The following HOOK3 variants were observed in gnomAD, a reference collection of about 807,000 sequenced individuals.
The protein encoded by HOOK3 is hook microtubule tethering protein 3.
Under a neutral mutation model 116.3 loss-of-function variants are expected in HOOK3, and 24 were observed. That is an observed-to-expected ratio of 0.21 (90% CI 0.15 to 0.29). The LOEUF (loss-of-function observed/expected upper bound fraction) is 0.29. HOOK3 is among the 10% of genes least tolerant of loss of function. The pLI, the probability that HOOK3 is intolerant of heterozygous loss-of-function variation, is 1.00. For missense variants in HOOK3, 632 were observed against 830.2 expected (o/e 0.76, Z 2.93); for synonymous variants, 275 against 283.0 (o/e 0.97, Z 0.28).
intron 4 of HOOK3, among the ~76,000 whole-genome samples, chr8:42,931,039 A>C (rs1178128300): frequency 6.6e-6 from 1 of 152,174 alleles, no homozygotes; most frequent in Non-Finnish European, 1.5e-5. Flanking sequence ...TGCATTGAGA[A>C]TCATATCCAC....
intron 1 of HOOK3, among the ~76,000 whole-genome samples, chr8:42,904,860 C>A (rs1166347148): frequency 6.6e-6 from 1 of 152,162 alleles, no homozygotes; most frequent in African/African-American, 2.4e-5. Flanking sequence ...CACTTCTCAT[C>A]TTTATGCCTG....
intron 3 of HOOK3, among the ~76,000 whole-genome samples, chr8:42,928,709 T>TA (rs1430533628): frequency 6.6e-6 from 1 of 152,156 alleles, no homozygotes; most frequent in Non-Finnish European, 1.5e-5. Flanking sequence ...TTCTCTATAT[T>TA]TTATGCTTTA....
chr8:42,922,087 T>C (rs969751684), intron 2 of HOOK3, among the ~76,000 whole-genome samples: 2 of 152,208 alleles, frequency 1.3e-5, no homozygotes, highest in African/African-American at 4.8e-5. Context: ...CTCCCTTTCT[T>C]ACACCATGCA....
At chr8:43,005,449 C>T (rs1042338481) in intron 17 of HOOK3, among the ~76,000 whole-genome samples, 15 of 151,596 alleles carry the variant, frequency 9.9e-5, no homozygotes, top group Non-Finnish European at 2.2e-4. Flanking sequence ...GGCTTGATCT[C>T]CTGACCTCGT....
chr8:42,909,739 A>G (rs1327193104), intron 2 of HOOK3, among the ~76,000 whole-genome samples: 1 of 152,206 alleles, frequency 6.6e-6, no homozygotes, highest in Non-Finnish European at 1.5e-5. Context: ...TGCTGAGATT[A>G]AAGGCGTAAA....
chr8:42,987,298 T>A (rs1809065806), intron 15 of HOOK3, among the ~76,000 whole-genome samples: 2 of 152,202 alleles, frequency 1.3e-5, no homozygotes, highest in South Asian at 2.1e-4. Context: ...CCAAAAAACA[T>A]TGGGCCTTTT....
intron 1 of HOOK3, among the ~76,000 whole-genome samples, chr8:42,905,336 G>T (rs796126509): frequency 7.5e-4 from 97 of 129,516 alleles, no homozygotes; most frequent in Non-Finnish European, 9.6e-4. Context: ...GGGGGGGGGG[G>T]TGCCGTGGTG....
chr8:42,970,658 A>G (rs1808709612), intron 11 of HOOK3, among the ~76,000 whole-genome samples: 1 of 152,088 alleles, frequency 6.6e-6, no homozygotes, highest in Admixed American at 6.6e-5. Context: ...GCTAATTTAT[A>G]TGAATGAAAT....
At chr8:42,938,698 TTTTATTTATTTA>T (rs57325956) in intron 4 of HOOK3, among the ~76,000 whole-genome samples, 44 of 149,818 alleles carry the variant, frequency 2.9e-4, no homozygotes, top group East Asian at 1.4e-3. Flanking sequence ...AATGCTTTTC[TTTTATTTATTTA>T]TTTATTTATT....
At chr8:42,977,511 G>A (rs2130439144) in intron 13 of HOOK3, among the ~76,000 whole-genome samples, 1 of 152,274 alleles carries the variant, frequency 6.6e-6, no homozygotes, top group East Asian at 1.9e-4. Flanking sequence ...AAAAAAAGAT[G>A]TATGGAGATA....
intron 1 of HOOK3, among the ~76,000 whole-genome samples, chr8:42,904,496 A>G (rs1000181190): frequency 3.3e-5 from 5 of 151,736 alleles, no homozygotes; most frequent in African/African-American, 1.2e-4. Context: ...TTTTTAGTGA[A>G]GAGACAGGAT....
chr8:43,006,298 G>T (rs1032140775), intron 17 of HOOK3, among the ~76,000 whole-genome samples: 5 of 140,306 alleles, frequency 3.6e-5, no homozygotes, highest in Non-Finnish European at 1.6e-5. Flanking sequence ...GGGATTACAG[G>T]TGTTAGCCAC....
At chr8:42,993,811 T>C (rs1345712286) in intron 15 of HOOK3, among the ~76,000 whole-genome samples, 2 of 152,182 alleles carry the variant, frequency 1.3e-5, no homozygotes, top group African/African-American at 2.4e-5. Context: ...TAATAACCAG[T>C]AATCCTTTGA....
At chr8:42,940,289 G>C (rs554379493) in intron 4 of HOOK3, among the ~76,000 whole-genome samples, 3 of 152,350 alleles carry the variant, frequency 2.0e-5, no homozygotes, top group Admixed American at 6.5e-5. Flanking sequence ...AGACCAGCCC[G>C]GCCAACACAG....
intron 17 of HOOK3, among the ~76,000 whole-genome samples, 162 bp from the exon 18 acceptor site, chr8:43,007,685 A>AT (rs1461272080): frequency 6.6e-6 from 1 of 152,018 alleles, no homozygotes; most frequent in Non-Finnish European, 1.5e-5. Flanking sequence ...TTTTTTACTT[A>AT]TTTTTTAAAT....
intron 3 of HOOK3, among the ~76,000 whole-genome samples, chr8:42,926,399 C>T (rs1380348137): frequency 6.6e-6 from 1 of 152,148 alleles, no homozygotes; most frequent in Non-Finnish European, 1.5e-5. Flanking sequence ...GATTCTCCTG[C>T]CTTAGCCTTC....
At chr8:42,959,494 G>A (rs979066510) in intron 8 of HOOK3, among the ~76,000 whole-genome samples, 180 bp downstream of exon 8, 1 of 151,846 alleles carries the variant, frequency 6.6e-6, no homozygotes, top group Non-Finnish European at 1.5e-5. Flanking sequence ...TGAGGGTGGC[G>A]GGTCACTTGA....
At chr8:42,950,689 A>AT (rs1808322073) in intron 6 of HOOK3, among the ~76,000 whole-genome samples, 1 of 151,060 alleles carries the variant, frequency 6.6e-6, no homozygotes, top group Admixed American at 6.6e-5. Flanking sequence ...ACTATTCCTA[A>AT]ATTTTTTTTT....
At chr8:42,948,341 G>C (rs1198523812) in intron 5 of HOOK3, among the ~76,000 whole-genome samples, 1 of 152,086 alleles carries the variant, frequency 6.6e-6, no homozygotes, top group Non-Finnish European at 1.5e-5. Flanking sequence ...CACACACCCG[G>C]TAATAGCATA....
Sources: allele counts gnomAD v4.1 joint callset (sites outside exome capture counted in the v4.1 genomes callset), GRCh38; gene constraint gnomAD v4.1.1; transcripts MANE v1.5; gene names NCBI Gene and HGNC (gene_info 2026-07-23, HGNC 2026-07-21).